Variants in SLC30A7 observed in about 807,000 individuals in gnomAD.
SLC30A7 encodes zinc transporter 7.
In SLC30A7, 35 loss-of-function variants were observed where a neutral mutation model predicts 46.0. The ratio of observed to expected loss-of-function variants is 0.76; its 90% CI spans 0.58 to 1.01. The LOEUF (loss-of-function observed/expected upper bound fraction) is 1.01, where lower values mean the gene tolerates loss of function less well. SLC30A7 is among the 50% of genes least tolerant of loss of function. SLC30A7 has a pLI of 0.00. For missense variants in SLC30A7, 464 were observed against 451.1 expected (o/e 1.03, Z -0.26); for synonymous variants, 147 against 157.8 (o/e 0.93, Z 0.51).
chr1:100,921,950 CTTTTTTTT>C, intron 8 of SLC30A7, 109 bp downstream of exon 8: 4 of 398,190 alleles, frequency 1.0e-5, no homozygotes, highest in East Asian at 1.6e-4. Flanking sequence ...CCTTTGCTTG[CTTTTTTTT>C]TTTTTTTTTT....
chr1:100,941,697 CT>C (rs1190295198), intron 8 of SLC30A7: 7 of 644,006 alleles, frequency 1.1e-5, no homozygotes. Context: ...AGACAGCTCT[CT>C]TTGGTTCCAC....
At chr1:100,904,421 T>A (rs1223218893) in intron 2 of SLC30A7, among the ~76,000 whole-genome samples, 2 of 152,224 alleles carry the variant, frequency 1.3e-5, no homozygotes, top group Non-Finnish European at 2.9e-5. Context: ...CATATTTTTT[T>A]GTCCACTTTT....
At chr1:100,911,281 T>C (rs1364248410) in intron 4 of SLC30A7, 131 bp downstream of exon 4, 1 of 593,064 alleles carries the variant, frequency 1.7e-6, no homozygotes. Flanking sequence ...GATATGTGCG[T>C]ACAAGAGGAG....
chr1:100,917,031 G>T (rs2101026517), intron 6 of SLC30A7, among the ~76,000 whole-genome samples: 1 of 152,244 alleles, frequency 6.6e-6, no homozygotes, highest in South Asian at 2.1e-4. Flanking sequence ...TTGCCTTGCA[G>T]AAGCTTTTTA....
intron 8 of SLC30A7, among the ~76,000 whole-genome samples, chr1:100,922,246 A>C (rs1425797757): frequency 1.1e-4 from 16 of 152,088 alleles, no homozygotes; most frequent in Admixed American, 1.0e-3. Flanking sequence ...GATTACAGGC[A>C]TGAGCCACCG....
chr1:100,968,205 A>G (rs1361555204), intron 10 of SLC30A7, among the ~76,000 whole-genome samples: 1 of 152,150 alleles, frequency 6.6e-6, no homozygotes. Context: ...TCACACCTGT[A>G]ATCCCAGTGC....
At chr1:100,896,423 G>A in intron 1 of SLC30A7, 81 bp downstream of exon 1, 8 of 1,510,124 alleles carry the variant, frequency 5.3e-6, no homozygotes, top group Non-Finnish European at 7.4e-6. Flanking sequence ...CCGAGGTCCA[G>A]TGAGGGAGAG....
the SLC30A7 span, among the ~76,000 whole-genome samples, chr1:100,993,559 AAT>A: frequency 3.8e-3 from 215 of 56,508 alleles, 1 homozygote; most frequent in South Asian, 0.035. Flanking sequence ...CGAAAATATA[AAT>A]ATATATATAT....
chr1:100,989,525 AC>A, the SLC30A7 span: 1 of 152,212 alleles, frequency 6.6e-6, no homozygotes, highest in East Asian at 1.9e-4. Flanking sequence ...TAATCTTTCT[AC>A]CTTTGTTTAT....
chr1:100,916,488 A>C (rs937791454), intron 6 of SLC30A7, among the ~76,000 whole-genome samples: 8 of 152,214 alleles, frequency 5.3e-5, no homozygotes, highest in African/African-American at 1.7e-4. Context: ...CCCAACCAGT[A>C]GGTGTATATT....
chr1:100,943,961 A>G (rs1008445740), intron 8 of SLC30A7, among the ~76,000 whole-genome samples: 1 of 152,264 alleles, frequency 6.6e-6, no homozygotes, highest in South Asian at 2.1e-4. Context: ...TTTTGAAAAG[A>G]AACACTGGAA....
At position 100,981,187 on chromosome 1, in the gene SLC30A7, C is replaced by T. The variant is rs1420522732; in HGVS notation, c.*6330C>T. The T allele has an allele frequency of 2.6e-5, 4 of 152,044 alleles. No homozygotes were observed. The highest frequency in any genetic ancestry group is 7.2e-5 in the African/African-American group (3 of 41,434). The allele number at this position is 152,044 out of a possible 1,614,324, so 9.4% of individuals were successfully genotyped here. On this transcript the variant is annotated 3_prime_UTR_variant, in exon 11 of 11. Transcript: ENST00000357650. ...TGTTTATGTATCACATACTGTGCTACAGTTAGCCTCAATGAAGATTCTATT... is the reference window on the plus strand; with the variant it reads ...TGTTTATGTATCACATACTGTGCTATAGTTAGCCTCAATGAAGATTCTATT...
At position 100,975,643 on chromosome 1, in the gene SLC30A7, T is replaced by G. The variant is rs1171161171; in HGVS notation, c.*786T>G. ...CCCGGGTTCAAGCTATTCTCCTGCCTCAGCCTTCTGAGTAGCTGCGACTAT... is the reference window on the plus strand; with the variant it reads ...CCCGGGTTCAAGCTATTCTCCTGCCGCAGCCTTCTGAGTAGCTGCGACTAT... On this transcript the variant is annotated 3_prime_UTR_variant, in exon 11 of 11. Coordinates refer to ENST00000357650, the MANE Select transcript of SLC30A7 (RefSeq NM_133496.5). 6.6e-6 allele frequency: 1 copy of G among 152,376 alleles called. No individual in the cohort carries two copies. Among genetic ancestry groups the G allele is most frequent in the Non-Finnish European group, 1.5e-5 (1 of 68,156 alleles). The allele number at this position is 152,376 out of a possible 1,614,324, so 9.4% of individuals were successfully genotyped here.
At chr1:100,931,041 C>G (rs1472797715) in intron 8 of SLC30A7, among the ~76,000 whole-genome samples, 1 of 152,030 alleles carries the variant, frequency 6.6e-6, no homozygotes, top group East Asian at 1.9e-4. Flanking sequence ...TTTCTGTGTT[C>G]ATTGGTTCAG....
the SLC30A7 span, chr1:100,995,989 A>G: frequency 6.6e-6 from 1 of 152,228 alleles, no homozygotes; most frequent in Non-Finnish European, 1.5e-5. Flanking sequence ...AAGTGATTAT[A>G]GAAGTGTTTC....
chr1:100,963,678 TC>T (rs1168091909), intron 9 of SLC30A7, among the ~76,000 whole-genome samples: 1 of 152,098 alleles, frequency 6.6e-6, no homozygotes, highest in African/African-American at 2.4e-5. Flanking sequence ...TGTTCTATGA[TC>T]TGCACTGTCC....
chr1:100,942,988 C>A (rs145531635), intron 8 of SLC30A7, among the ~76,000 whole-genome samples: 167 of 152,290 alleles, frequency 1.1e-3, no homozygotes, highest in African/African-American at 3.7e-3. Flanking sequence ...TGACTGAGGT[C>A]CTATAATCAC....
chr1:100,909,524 C>A (rs1395930481), intron 3 of SLC30A7, among the ~76,000 whole-genome samples: 1 of 152,062 alleles, frequency 6.6e-6, no homozygotes, highest in East Asian at 1.9e-4. Flanking sequence ...CTTAATTAGG[C>A]AACAGCACAT....
At chr1:100,985,401 T>C (rs960536883), downstream of SLC30A7, among the ~76,000 whole-genome samples, 25 of 152,172 alleles carry the variant, frequency 1.6e-4, no homozygotes, top group African/African-American at 5.8e-4. Flanking sequence ...ACAACCTCTT[T>C]TGTATATGTC....
Sources: allele counts gnomAD v4.1 joint callset (sites outside exome capture counted in the v4.1 genomes callset), GRCh38; gene constraint gnomAD v4.1.1; transcripts MANE v1.5; gene names NCBI Gene and HGNC (gene_info 2026-07-23, HGNC 2026-07-21).